The following ZNF486 variants were observed in gnomAD, a reference collection of about 807,000 sequenced individuals.
ZNF486 encodes the protein KRAB box only protein 2.
A neutral mutation model predicts 12.8 loss-of-function variants in ZNF486; 12 were observed. The ratio of observed to expected loss-of-function variants is 0.94; its 90% CI spans 0.60 to 1.52. The LOEUF is 1.52. Among genes scored for constraint, ZNF486 ranks in the 40% most tolerant of loss-of-function variants. The probability of loss-of-function intolerance (pLI) is 0.00; values close to 1 mark genes in which losing one functional copy is unlikely to be tolerated. For missense variants in ZNF486, 738 were observed against 545.0 expected (o/e 1.35, Z -3.53); for synonymous variants, 231 against 184.9 (o/e 1.25, Z -2.02).
At chr19:20,191,384 G>A (rs1186270062) in intron 3 of ZNF486, among the ~76,000 whole-genome samples, 10 of 150,998 alleles carry the variant, frequency 6.6e-5, no homozygotes, top group South Asian at 2.1e-4. Flanking sequence ...GGAGAGTGGC[G>A]TGAATCTGGG....
rs368685457 is a variant in ZNF486 at position 20,197,824 on chromosome 19, C to A, written c.1114C>A (p.His372Asn). 4.9e-5 allele frequency: 79 copies of A among 1,613,438 alleles called. No homozygotes were observed. The highest frequency in any genetic ancestry group is 6.4e-5 in the Non-Finnish European group (75 of 1,179,914). The change falls in exon 4 of 4, where the codon CAT becomes AAT. Residue 372 changes from histidine to asparagine, a missense_variant. Physicochemically the swap from His to Asn is moderately conservative, Grantham distance 68 (BLOSUM62 1). Coordinates refer to ENST00000335117, the MANE Select transcript of ZNF486 (RefSeq NM_052852.4). The part of the protein sequence containing the change: ...SSHLTMHKII[H>N]TGEKPYKCEE... ...ACACCTTACTATGCATAAGATAATT[C>A]ATACTGGAGAGAAACCATACAAATG...
At chr19:20,194,816 T>A (rs1198408382) in intron 3 of ZNF486, among the ~76,000 whole-genome samples, 1 of 152,210 alleles carries the variant, frequency 6.6e-6, no homozygotes, top group Non-Finnish European at 1.5e-5. Context: ...ATTCTATTCT[T>A]ATATGTGATT....
At chr19:20,185,536 G>T (rs1376080780) in intron 2 of ZNF486, among the ~76,000 whole-genome samples, 4 of 148,492 alleles carry the variant, frequency 2.7e-5, no homozygotes, top group African/African-American at 9.9e-5. Flanking sequence ...TGAGCCTCCT[G>T]AGTAGCTGGT....
At position 20,186,009 on chromosome 19, in the gene ZNF486, C is replaced by G. The variant is rs781875028; in HGVS notation, c.180C>G (p.Asp60Glu). ...VFLGIIVSKPDLITCLEQGIK... is the reference protein window; with the variant it reads ...VFLGIIVSKPELITCLEQGIK... ...CAGGTATTATTGTCTCTAAGCCAGACCTGATCACCTGTCTGGAGCAAGGAA... is the reference window on the plus strand; with the variant it reads ...CAGGTATTATTGTCTCTAAGCCAGAGCTGATCACCTGTCTGGAGCAAGGAA... Residue 60 changes from aspartate to glutamate, a missense_variant, in exon 3 of 4, where the codon GAC (aspartate) becomes GAG (glutamate). Physicochemically the swap from Asp to Glu is conservative, Grantham distance 45 (BLOSUM62 2). Coordinates refer to ENST00000335117, the MANE Select transcript of ZNF486 (RefSeq NM_052852.4). 50 of 1,583,762 alleles carry G rather than the reference C, an allele frequency of 3.2e-5. No homozygotes were observed. The highest frequency in any genetic ancestry group is 4.3e-5 in the Non-Finnish European group (50 of 1,167,666).
At chr19:20,176,312 G>A in intron 1 of ZNF486, 1 of 172,252 alleles carries the variant, frequency 5.8e-6, no homozygotes, top group Non-Finnish European at 1.1e-5. Flanking sequence ...TGGGATGGCG[G>A]CCGGGCAGAG....
Position 20,184,483 on chromosome 19 carries a change from G to A in ZNF486, c.157+1G>A. The A allele has an allele frequency of 1.2e-6, 2 of 1,602,150 alleles. No homozygotes were observed. Among genetic ancestry groups the A allele is most frequent in the Non-Finnish European group, 1.7e-6 (2 of 1,176,426 alleles). ...AACTACAGACACCTGGTCTTCCTTG[G>A]TGAGGATAACTTAAATACATAATTC... is the stretch of plus-strand genomic sequence containing the variant. On this transcript the variant is annotated splice_donor_variant, in intron 2 of 3. Transcript: ENST00000335117. LOFTEE classifies it high-confidence loss of function.
chr19:20,179,280 G>A (rs1447539456), intron 1 of ZNF486, among the ~76,000 whole-genome samples: 1 of 152,132 alleles, frequency 6.6e-6, no homozygotes, highest in Non-Finnish European at 1.5e-5. Flanking sequence ...AATAATCAAT[G>A]TTATTTATGT....
At chr19:20,179,537 G>A (rs910294091) in intron 1 of ZNF486, among the ~76,000 whole-genome samples, 1 of 151,972 alleles carries the variant, frequency 6.6e-6, no homozygotes, top group Admixed American at 6.6e-5. Flanking sequence ...CTCTATGAGA[G>A]CTCTCTTTTG....
chr19:20,168,350 C>T (rs527970442), intron 1 of ZNF486, among the ~76,000 whole-genome samples: 2 of 149,566 alleles, frequency 1.3e-5, no homozygotes, highest in African/African-American at 5.0e-5. Flanking sequence ...CAGAGCAAGA[C>T]TCCTTCACAC....
In ZNF486 at chr19:20,178,923, G is replaced by A. The variant is rs568601533; in HGVS notation, c.31-5433G>A. Among the ~76,000 whole-genome samples the A allele has an allele frequency of 4.7e-4, 72 of 152,318 alleles. 1 individual carries two copies. Among genetic ancestry groups the A allele is most frequent in the South Asian group, 3.5e-3 (17 of 4,828 alleles). ...GCATTGAGTAGACATGTTGACAAGA[G>A]AATCTCCACTTTCACCTTCCTCCTC... On this transcript the variant is annotated intron_variant, in intron 1 of 3. Transcript: ENST00000335117.
rs2089970848 is a variant in ZNF486, at chr19:20,197,456, A to C, written c.746A>C (p.Tyr249Ser). The C allele has an allele frequency of 6.2e-7, 1 of 1,609,136 alleles. No individual in the cohort carries two copies. The highest frequency in any genetic ancestry group is 2.2e-5 in the East Asian group (1 of 44,748). ...GAAGAATGTGGCAAAGTCTTTAAGT[A>C]CTTCTCTAGCTTTACTACACATAAG... Reference protein sequence around the residue: ...KCEECGKVFKYFSSFTTHKKI... With the variant: ...KCEECGKVFKSFSSFTTHKKI... Residue 249 changes from tyrosine (Y) to serine (S), a missense_variant, in exon 4 of 4, where the codon TAC becomes TCC. Physicochemically the swap from Tyr to Ser is moderately radical, Grantham distance 144. Transcript: ENST00000335117.
intron 3 of ZNF486, among the ~76,000 whole-genome samples, chr19:20,193,966 T>C (rs943383548): frequency 1.4e-4 from 21 of 152,212 alleles, no homozygotes; most frequent in African/African-American, 5.1e-4. Context: ...TTCAGTTATA[T>C]ACTGAAATTC....
At chr19:20,171,130 A>T (rs2089643202) in intron 1 of ZNF486, among the ~76,000 whole-genome samples, 1 of 152,206 alleles carries the variant, frequency 6.6e-6, no homozygotes. Context: ...TTTGATGTTC[A>T]GCAAACTCTA....
intron 1 of ZNF486, among the ~76,000 whole-genome samples, chr19:20,183,446 C>A (rs1242689856): frequency 6.6e-6 from 1 of 152,172 alleles, no homozygotes; most frequent in Non-Finnish European, 1.5e-5. Context: ...CTTAAAATTA[C>A]TACTAAAAAT....
At chr19:20,193,745 G>A (rs1007546752) in intron 3 of ZNF486, among the ~76,000 whole-genome samples, 1 of 151,740 alleles carries the variant, frequency 6.6e-6, no homozygotes, top group East Asian at 1.9e-4. Flanking sequence ...AAAACTTACT[G>A]TTATTTTTAT....
intron 1 of ZNF486, among the ~76,000 whole-genome samples, chr19:20,180,248 T>G (rs535846072): frequency 6.6e-6 from 1 of 152,312 alleles, no homozygotes; most frequent in East Asian, 1.9e-4. Context: ...ATACAAGAGG[T>G]GCCTTTTTTG....
chr19:20,171,945 T>G (rs2089652178), intron 1 of ZNF486, among the ~76,000 whole-genome samples: 1 of 152,186 alleles, frequency 6.6e-6, no homozygotes, highest in Non-Finnish European at 1.5e-5. Flanking sequence ...TATTTAGCTC[T>G]TAATAACATG....
At chr19:20,170,964 C>T (rs1467943726) in intron 1 of ZNF486, among the ~76,000 whole-genome samples, 5 of 152,080 alleles carry the variant, frequency 3.3e-5, no homozygotes, top group South Asian at 2.1e-4. Context: ...TCAGGAGTCC[C>T]GAGTTTTCAA....
At chr19:20,177,464 G>A (rs2089732546) in intron 1 of ZNF486, among the ~76,000 whole-genome samples, 1 of 152,184 alleles carries the variant, frequency 6.6e-6, no homozygotes, top group South Asian at 2.1e-4. Context: ...TGTATGACAT[G>A]GTGCTTTAAA....
Sources: gnomAD v4.1 joint callset for allele counts (sites outside exome capture counted in the v4.1 genomes callset) on GRCh38, gnomAD v4.1.1 for gene constraint, MANE v1.5 for transcripts, NCBI Gene and HGNC (gene_info 2026-07-23, HGNC 2026-07-21) for gene names.